The following PNPLA6 variants were observed in gnomAD, a reference collection of about 807,000 sequenced individuals.
The protein encoded by PNPLA6 is patatin-like phospholipase domain-containing protein 6.
PNPLA6 carries 105 observed loss-of-function variants against 153.7 expected under a neutral mutation model. That is an observed-to-expected ratio of 0.68 (90% CI 0.58 to 0.80). The LOEUF is 0.80. Among genes scored for constraint, PNPLA6 ranks in the 30% least tolerant of loss-of-function variants. PNPLA6 has a pLI of 0.00. For synonymous variants in PNPLA6, 825 were observed against 822.2 expected (o/e 1.00, Z -0.06); for missense variants, 1,423 against 1,919.3 (o/e 0.74, Z 4.83).
Position 7,541,364 on chromosome 19 carries a change from T to G in PNPLA6, c.935T>G (p.Val312Gly). The part of the protein sequence containing the change: ...SLVRVVQIIM[V>G]RLQRVTFLAL... ...CCTCGAGCCCTGCAGATCATCATGG[T>G]GCGGCTGCAGCGAGTCACCTTCCTG... Residue 312 changes from valine to glycine, a missense_variant, in exon 8 of 32, where the codon GTG becomes GGG. Physicochemically the swap from Val to Gly is moderately radical, Grantham distance 109. Transcript: ENST00000600737. The surrounding 1 kb of genome is among the most constrained non-coding windows in gnomAD (Gnocchi z 5.2). 1.2e-6 allele frequency: 2 copies of G among 1,613,682 alleles called. No individual in the cohort carries two copies. Among genetic ancestry groups the G allele is most frequent in the Non-Finnish European group, 1.7e-6 (2 of 1,179,786 alleles).
chr19:7,536,049 G>A (rs761008951), intron 1 of PNPLA6, 29 bp downstream of exon 1: 332 of 1,579,392 alleles, frequency 2.1e-4, no homozygotes, highest in Non-Finnish European at 2.8e-4. Context: ...CCTCTTGGGA[G>A]GCTGTATGGT....
At chr19:7,552,542 G>A (rs1645799) in intron 18 of PNPLA6, among the ~76,000 whole-genome samples, 63,754 of 151,900 alleles carry the variant, frequency 0.42, 14,016 homozygotes, top group South Asian at 0.56. Context: ...AATCACTTGA[G>A]GTCAGGGGTT....
intron 31 of PNPLA6, 48 bp from the exon 32 acceptor site, chr19:7,561,440 G>A (rs377316971): frequency 3.9e-5 from 58 of 1,498,460 alleles, no homozygotes; most frequent in Middle Eastern, 2.0e-4. Flanking sequence ...GACATGTGAC[G>A]CATCAGTGTC....
intron 31 of PNPLA6, 24 bp from the exon 32 acceptor site, chr19:7,561,464 C>T (rs370667593): frequency 3.0e-5 from 47 of 1,588,470 alleles, no homozygotes; most frequent in African/African-American, 1.1e-4. Context: ...TGCTGGGTGA[C>T]GTGTGTGTGA....
upstream of PNPLA6, chr19:7,534,892 T>C (rs571796329): frequency 2.8e-3 from 440 of 158,414 alleles, 7 homozygotes; most frequent in Non-Finnish European, 1.1e-3. Flanking sequence ...ATCCCAGGAC[T>C]CTTCTGAAAC....
chr19:7,558,319 T>C (rs1382805505), intron 27 of PNPLA6, among the ~76,000 whole-genome samples: 3 of 152,186 alleles, frequency 2.0e-5, no homozygotes, highest in Non-Finnish European at 4.4e-5. Flanking sequence ...AGTCCTGCCC[T>C]CTGTTTGATT....
At chr19:7,535,238 G>A (rs2046131625), upstream of PNPLA6, 4 of 562,470 alleles carry the variant, frequency 7.1e-6, no homozygotes, top group Admixed American at 3.1e-5. This position sits in a 1 kb window ranked among gnomAD's most constrained non-coding sequence, Gnocchi z 5.0. Context: ...CCGGGGTGGG[G>A]TTGGACAGGC....
In PNPLA6 at chr19:7,541,005, C is replaced by T. The variant is rs1441967962; in HGVS notation, c.878C>T (p.Ser293Phe). The change falls in exon 7 of 32, where the codon TCC becomes TTC. Residue 293 changes from serine to phenylalanine, a missense_variant. Physicochemically the swap from Ser to Phe is radical, Grantham distance 155. This residue lies in a region of PNPLA6 where 118 missense variants were observed against 158.8 expected (regional missense o/e 0.74). Coordinates refer to ENST00000600737, the MANE Select transcript of PNPLA6 (RefSeq NM_001166114.2). This position sits in a 1 kb window ranked among gnomAD's most constrained non-coding sequence, Gnocchi z 5.2. The part of the protein sequence containing the change: ...TVLRLPVEAF[S>F]AVFTKYPESL... ...CTGCGCCTGCCGGTGGAAGCATTCTCCGCGGTCTTCACCAAGTACCCGGAG... is the reference window on the plus strand; with the variant it reads ...CTGCGCCTGCCGGTGGAAGCATTCTTCGCGGTCTTCACCAAGTACCCGGAG... 1.9e-6 allele frequency: 3 copies of T among 1,611,312 alleles called. No individual in the cohort carries two copies. Among genetic ancestry groups the T allele is most frequent in the Non-Finnish European group, 2.5e-6 (3 of 1,179,312 alleles).
At chr19:7,539,881 G>GC in intron 3 of PNPLA6, 37 bp from the exon 4 acceptor site, 1 of 1,404,734 alleles carries the variant, frequency 7.1e-7, no homozygotes, top group Non-Finnish European at 9.7e-7. Context: ...CCTTCTCCGT[G>GC]CCCCCCTCAC....
rs1260912243 is a variant in PNPLA6 at position 7,561,660 on chromosome 19, T to A, written c.*98T>A. 3 of 850,782 alleles carry A rather than the reference T, an allele frequency of 3.5e-6. No homozygotes were observed. Among genetic ancestry groups the A allele is most frequent in the East Asian group, 2.6e-5 (1 of 37,894 alleles). The allele number at this position is 850,782 out of a possible 1,614,324, so 52.7% of individuals were successfully genotyped here. A position where few individuals can be genotyped will look rare whatever the true frequency, so the allele number is the denominator to read the frequency against. On this transcript the variant is annotated 3_prime_UTR_variant, in exon 32 of 32. Coordinates refer to ENST00000600737, the MANE Select transcript of PNPLA6 (RefSeq NM_001166114.2). ...ACTCCCCCTCCTGCTGCTATGCCTGTGACCCCCGCGGCCCACACACTGGAC... is the reference window on the plus strand; with the variant it reads ...ACTCCCCCTCCTGCTGCTATGCCTGAGACCCCCGCGGCCCACACACTGGAC...
At chr19:7,544,597 C>T (rs563423131) in intron 13 of PNPLA6, among the ~76,000 whole-genome samples, 47 of 152,136 alleles carry the variant, frequency 3.1e-4, no homozygotes, top group African/African-American at 9.2e-4. Flanking sequence ...TTATAGGGAG[C>T]GGGGGCTTGA....
Position 7,540,389 on chromosome 19 carries a change from G to A in PNPLA6, c.714+81G>A, listed in dbSNP as rs2023076174. On this transcript the variant is annotated intron_variant, in intron 5 of 31. Coordinates refer to ENST00000600737, the MANE Select transcript of PNPLA6 (RefSeq NM_001166114.2). The surrounding 1 kb of genome is among the most constrained non-coding windows in gnomAD (Gnocchi z 6.8). Reference sequence around the variant, plus strand: ...CAGGCATTGGTCTGTAGAGCTGGTGGTCTTTGGAGATGCGTCATCGGGAGT... The same window carrying A: ...CAGGCATTGGTCTGTAGAGCTGGTGATCTTTGGAGATGCGTCATCGGGAGT... The A allele has an allele frequency of 8.2e-6, 12 of 1,472,096 alleles. No individual in the cohort carries two copies. The East Asian group carries it at 2.5e-4, about 31-fold the overall frequency. The allele number at this position is 1,472,096 out of a possible 1,614,324, so 91.2% of individuals were successfully genotyped here. A position where few individuals can be genotyped will look rare whatever the true frequency, so the allele number is the denominator to read the frequency against.
chr19:7,555,290 G>A lies in PNPLA6; in HGVS notation c.2859G>A (p.Arg953=). The A allele has an allele frequency of 3.1e-6, 5 of 1,593,226 alleles. No homozygotes were observed. The highest frequency in any genetic ancestry group is 2.3e-5 in the South Asian group (2 of 87,806). ...AGGTTTTCTCCAGGCGCGCGGACCG[G>A]CACAGCGACTTCTCCCGCTTGGCGA... is the stretch of plus-strand genomic sequence containing the variant. The part of the protein sequence containing the change: ...YEKVFSRRAD[R]HSDFSRLARV... The change falls in exon 23 of 32, where the codon CGG becomes CGA. Residue 953 remains arginine, a synonymous_variant. Transcript: ENST00000600737. The surrounding 1 kb of genome is among the most constrained non-coding windows in gnomAD (Gnocchi z 6.3).
At position 7,555,592 on chromosome 19, in the gene PNPLA6, C is replaced by A. The variant is rs377252767; in HGVS notation, c.2937-15C>A. The A allele has an allele frequency of 1.1e-4, 181 of 1,610,584 alleles. 1 individual carries two copies. Among genetic ancestry groups the A allele is most frequent in the Admixed American group, 4.5e-4 (27 of 59,912 alleles). On this transcript the variant is annotated splice_polypyrimidine_tract_variant and intron_variant, in intron 23 of 31. Transcript: ENST00000600737. The surrounding 1 kb of genome is among the most constrained non-coding windows in gnomAD (Gnocchi z 6.3). ...GTGGGGCCTAGCGGGTCACTGGGGC[C>A]CATTTTCCCGGCAGGGGCTGCTCGC...
intron 13 of PNPLA6, 170 bp from the exon 14 acceptor site, chr19:7,549,737 C>T (rs1599292755): frequency 2.9e-6 from 2 of 682,064 alleles, no homozygotes; most frequent in South Asian, 3.4e-5. Context: ...TCCCCCCTGC[C>T]TGGCCTCCCA....
chr19:7,535,285 C>G (rs946911604), upstream of PNPLA6: 4 of 595,582 alleles, frequency 6.7e-6, no homozygotes, highest in Non-Finnish European at 1.2e-5. The surrounding 1 kb of genome is among the most constrained non-coding windows in gnomAD (Gnocchi z 5.0). Flanking sequence ...GCGAAGGGAG[C>G]AGGAAGCCGG....
At chr19:7,543,113 G>A (rs774690843) in intron 13 of PNPLA6, 29 bp downstream of exon 13, 10 of 1,584,768 alleles carry the variant, frequency 6.3e-6, no homozygotes, top group Middle Eastern at 1.7e-4. Flanking sequence ...CTGTAACCAT[G>A]CCACCTGAGA....
chr19:7,551,434 C>G lies in PNPLA6; in HGVS notation c.2257C>G (p.Pro753Ala). Residue 753 changes from proline (P) to alanine (A), a missense_variant, in exon 18 of 32, where the codon CCA (proline) becomes GCA (alanine). Coordinates refer to ENST00000600737, the MANE Select transcript of PNPLA6 (RefSeq NM_001166114.2). Reference sequence around the variant, plus strand: ...TTTGCAGCAGCTGCAAGGACCCTTCCCAGGTGAGAGCCGGCCGGCCCAGAG... The same window carrying G: ...TTTGCAGCAGCTGCAAGGACCCTTCGCAGGTGAGAGCCGGCCGGCCCAGAG... ...GNLQQLQGPF[P>A]GSGLGVPPHS... is the part of the protein sequence containing the mutation. 6.2e-7 allele frequency: 1 copy of G among 1,613,704 alleles called. No individual in the cohort carries two copies. Among genetic ancestry groups the G allele is most frequent in the Non-Finnish European group, 8.5e-7 (1 of 1,179,752 alleles).
chr19:7,556,643 C>T lies in PNPLA6; in HGVS notation c.3211-12C>T, dbSNP rs1182569889. 1 of 1,611,788 alleles carries T rather than the reference C, an allele frequency of 6.2e-7. No individual in the cohort carries two copies. The highest frequency in any genetic ancestry group is 8.5e-7 in the Non-Finnish European group (1 of 1,177,992). Reference sequence around the variant, plus strand: ...CCCTGCTCCTCCCCCACCTCGATCCCTGTCCCCGCAGGACCTGTGGCTGCC... The same window carrying T: ...CCCTGCTCCTCCCCCACCTCGATCCTTGTCCCCGCAGGACCTGTGGCTGCC... On this transcript the variant is annotated splice_polypyrimidine_tract_variant and intron_variant, in intron 25 of 31. Transcript: ENST00000600737.
Sources: allele counts gnomAD v4.1 joint callset (sites outside exome capture counted in the v4.1 genomes callset), GRCh38; gene constraint gnomAD v4.1.1; regional missense constraint gnomAD v4.1.1; non-coding constraint Gnocchi (gnomAD v3.1); transcripts MANE v1.5; gene names NCBI Gene and HGNC (gene_info 2026-07-23, HGNC 2026-07-21).